SOX6: variants seen among roughly 807,000 people sequenced by gnomAD.
The protein encoded by SOX6 is transcription factor SOX-6.
Under a neutral mutation model 97.8 loss-of-function variants are expected in SOX6, and 11 were observed. The observed-to-expected ratio is 0.11, with a 90% CI of 0.07 to 0.19. The LOEUF is 0.19. Among genes scored for constraint, SOX6 ranks in the 10% least tolerant of loss-of-function variants. The pLI is 1.00. For synonymous variants in SOX6, 360 were observed against 371.4 expected, an observed-to-expected ratio of 0.97 and a Z score of 0.35; for missense variants, 810 against 1,039.5, an observed-to-expected ratio of 0.78 and a Z score of 3.04.
intron 4 of SOX6, among the ~76,000 whole-genome samples, chr11:16,556,056 A>G (rs1847744782): frequency 6.6e-6 from 1 of 151,768 alleles, no homozygotes; most frequent in Admixed American, 6.6e-5. Flanking sequence ...ATAGCTCTTA[A>G]TTATATTCTA....
intron 4 of SOX6, among the ~76,000 whole-genome samples, chr11:16,231,450 T>A (rs995604949): frequency 2.0e-5 from 3 of 151,830 alleles, no homozygotes; most frequent in Admixed American, 6.6e-5. Context: ...TTTTCCCCTA[T>A]AAAAATGGCA....
intron 4 of SOX6, among the ~76,000 whole-genome samples, chr11:16,516,524 C>T: frequency 2.0e-5 from 3 of 151,628 alleles, no homozygotes; most frequent in African/African-American, 7.3e-5. Context: ...GAAATACAAA[C>T]TACCATCAGA....
intron 6 of SOX6, among the ~76,000 whole-genome samples, chr11:16,164,829 AAAAAAAGAAAGAAAGAAAG>A (rs1850843627): frequency 6.6e-6 from 1 of 151,716 alleles, no homozygotes; most frequent in African/African-American, 2.4e-5. Context: ...TCAAAAAAAA[AAAAAAAGAAAGAAAGAAAG>A]AAAAAAGAAA....
At chr11:16,398,760 C>A in intron 1 of SOX6, among the ~76,000 whole-genome samples, 1 of 148,150 alleles carries the variant, frequency 6.7e-6, no homozygotes, top group Non-Finnish European at 1.5e-5. Context: ...AGTGGTTTCA[C>A]AAATTGCTAC....
intron 6 of SOX6, among the ~76,000 whole-genome samples, chr11:16,138,805 G>A (rs966367533): frequency 1.1e-4 from 17 of 152,004 alleles, no homozygotes; most frequent in Admixed American, 1.1e-3. Flanking sequence ...GCGGTGTTTG[G>A]TTTTTTGTCC....
chr11:16,684,876 C>A (rs746247958), intron 3 of SOX6, among the ~76,000 whole-genome samples: 2 of 152,194 alleles, frequency 1.3e-5, no homozygotes, highest in Non-Finnish European at 2.9e-5. Context: ...ATGGTGCCAG[C>A]ATCTGCTTAT....
At chr11:16,398,370 C>T (rs892167435) in intron 1 of SOX6, among the ~76,000 whole-genome samples, 1 of 151,450 alleles carries the variant, frequency 6.6e-6, no homozygotes, top group Non-Finnish European at 1.5e-5. Flanking sequence ...ATAACCATTC[C>T]CTGGCCTTTT....
chr11:16,576,404 G>T (rs181092126), intron 4 of SOX6, among the ~76,000 whole-genome samples: 1 of 152,150 alleles, frequency 6.6e-6, no homozygotes, highest in Admixed American at 6.5e-5. Flanking sequence ...CTCACTCATA[G>T]ACCAAATAAG....
intron 1 of SOX6, among the ~76,000 whole-genome samples, chr11:16,437,270 AT>A (rs5789953): frequency 0.33 from 48,820 of 145,980 alleles, 8,412 homozygotes; most frequent in East Asian, 0.54. Flanking sequence ...CCCTGTCTCT[AT>A]TTTTTTTTTT....
At chr11:16,626,638 T>C (rs375937814) in intron 3 of SOX6, among the ~76,000 whole-genome samples, 18 of 152,168 alleles carry the variant, frequency 1.2e-4, no homozygotes, top group African/African-American at 3.9e-4. Flanking sequence ...TTTGAGAAAA[T>C]TGATATTTAA....
intron 6 of SOX6, among the ~76,000 whole-genome samples, chr11:16,149,231 G>A (rs1420167172): frequency 6.6e-6 from 1 of 151,992 alleles, no homozygotes; most frequent in African/African-American, 2.4e-5. Flanking sequence ...ATTTTCAAGG[G>A]CAGTTATTTT....
Position 15,971,040 on chromosome 11 carries a change from C to A in SOX6, c.*1769G>T, listed in dbSNP as rs935337292. 2 of 152,460 alleles carry A rather than the reference C, an allele frequency of 1.3e-5. No homozygotes were observed. Among genetic ancestry groups the A allele is most frequent in the East Asian group, 3.9e-4 (2 of 5,184 alleles). The allele number at this position is 152,460 out of a possible 1,614,324, so 9.4% of individuals were successfully genotyped here. On this transcript the variant is annotated 3_prime_UTR_variant, in exon 16 of 16. Coordinates refer to ENST00000683767, the MANE Select transcript of SOX6 (RefSeq NM_001367873.1). ...CCCAGTAGCATGTCTTCAAAGAAAT[C>A]CTTGTGTGATAAGTGCAGTTCATTT...
intron 5 of SOX6, 149 bp from the exon 6 acceptor site, chr11:16,184,103 T>C: frequency 2.7e-6 from 2 of 727,774 alleles, no homozygotes; most frequent in South Asian, 1.6e-5. Flanking sequence ...ATCAGAAAGA[T>C]GGATGAAAGG....
chr11:16,144,395 A>G (rs1589970684), intron 6 of SOX6, among the ~76,000 whole-genome samples: 1 of 152,364 alleles, frequency 6.6e-6, no homozygotes, highest in Non-Finnish European at 1.5e-5. Flanking sequence ...CACAAGAGAA[A>G]GCAGGAAAGA....
At chr11:16,339,386 T>G (rs938566245) in intron 2 of SOX6, among the ~76,000 whole-genome samples, 1 of 152,018 alleles carries the variant, frequency 6.6e-6, no homozygotes, top group African/African-American at 2.4e-5. Flanking sequence ...AAGGCCATCT[T>G]TTACTTTCTG....
intron 3 of SOX6, 57 bp downstream of exon 3, chr11:16,318,389 A>G: frequency 6.9e-7 from 1 of 1,458,846 alleles, no homozygotes; most frequent in Non-Finnish European, 9.4e-7. Flanking sequence ...TTTTTTTTTA[A>G]GGCCTGGAAT....
At chr11:16,200,921 C>T (rs1851917500) in intron 4 of SOX6, among the ~76,000 whole-genome samples, 1 of 151,966 alleles carries the variant, frequency 6.6e-6, no homozygotes, top group Non-Finnish European at 1.5e-5. Context: ...GCCTGGCCAA[C>T]ATGTTGAAAC....
intron 13 of SOX6, among the ~76,000 whole-genome samples, chr11:15,991,758 G>C (rs945976430): frequency 1.3e-5 from 2 of 152,108 alleles, no homozygotes; most frequent in Non-Finnish European, 2.9e-5. Context: ...GACTGACAGA[G>C]ATCATAGTGG....
chr11:16,278,898 C>G (rs370932211), intron 3 of SOX6, among the ~76,000 whole-genome samples: 2 of 152,028 alleles, frequency 1.3e-5, no homozygotes, highest in Non-Finnish European at 2.9e-5. Flanking sequence ...GTTGATCAAG[C>G]CTTCATTTTC....
Sources: gnomAD v4.1 joint callset for allele counts (sites outside exome capture counted in the v4.1 genomes callset) on GRCh38, gnomAD v4.1.1 for gene constraint, MANE v1.5 for transcripts, NCBI Gene and HGNC (gene_info 2026-07-23, HGNC 2026-07-21) for gene names.